The following SCAPER variants were observed in gnomAD, a reference collection of about 807,000 sequenced individuals.
SCAPER encodes S phase cyclin A-associated protein in the endoplasmic reticulum.
In SCAPER, 98 loss-of-function variants were observed where a neutral mutation model predicts 182.2. That is an observed-to-expected ratio of 0.54 (90% CI 0.46 to 0.64). SCAPER has a LOEUF of 0.64. Ranked by LOEUF, SCAPER falls within the 30% of genes least tolerant of loss-of-function variation. The pLI is 0.00. For missense variants in SCAPER, 1,432 were observed against 1,690.0 expected, an observed-to-expected ratio of 0.85 and a Z score of 2.68; for synonymous variants, 605 against 564.6, an observed-to-expected ratio of 1.07 and a Z score of -1.01.
intron 24 of SCAPER, among the ~76,000 whole-genome samples, chr15:76,503,734 T>C (rs970340430): frequency 6.6e-6 from 1 of 152,196 alleles, no homozygotes; most frequent in Non-Finnish European, 1.5e-5. Flanking sequence ...TCTTAGCTAG[T>C]AGCCTGGCAG....
At chr15:76,604,813 T>G (rs930009742) in intron 22 of SCAPER, among the ~76,000 whole-genome samples, 1 of 151,546 alleles carries the variant, frequency 6.6e-6, no homozygotes. Flanking sequence ...TCACTCATGA[T>G]TTGGCTCTCT....
At chr15:76,380,859 T>C (rs577502430) in intron 28 of SCAPER, 2 of 152,596 alleles carry the variant, frequency 1.3e-5, no homozygotes, top group East Asian at 1.9e-4. Flanking sequence ...ACACTTTACA[T>C]TGGACACAAA....
chr15:76,361,621 C>T (rs1042916779), intron 29 of SCAPER, among the ~76,000 whole-genome samples: 2 of 152,202 alleles, frequency 1.3e-5, no homozygotes, highest in African/African-American at 4.8e-5. Flanking sequence ...CACCAGCTGA[C>T]ATTAGTAAGT....
chr15:76,536,926 GACAA>G (rs1366667696), intron 23 of SCAPER, among the ~76,000 whole-genome samples: 2 of 151,482 alleles, frequency 1.3e-5, no homozygotes, highest in Admixed American at 1.3e-4. Context: ...ACCAATAACA[GACAA>G]ACAGAGAGCC....
At chr15:76,395,735 A>G (rs2044004664) in intron 27 of SCAPER, among the ~76,000 whole-genome samples, 1 of 152,156 alleles carries the variant, frequency 6.6e-6, no homozygotes, top group South Asian at 2.1e-4. Flanking sequence ...ATTCTTATAT[A>G]TTCTAGTTGT....
chr15:76,895,579 T>A (rs1473926062), intron 1 of SCAPER, among the ~76,000 whole-genome samples: 3 of 152,084 alleles, frequency 2.0e-5, no homozygotes, highest in Non-Finnish European at 4.4e-5. Flanking sequence ...TGAAATTGTC[T>A]GTTTGCAGAT....
chr15:76,584,686 G>A (rs189129902), intron 22 of SCAPER, among the ~76,000 whole-genome samples: 450 of 152,144 alleles, frequency 3.0e-3, no homozygotes, highest in Non-Finnish European at 4.6e-3. Flanking sequence ...ATGCTTTTGC[G>A]TTCTTACCGT....
intron 23 of SCAPER, among the ~76,000 whole-genome samples, chr15:76,529,959 T>C (rs1187294654): frequency 6.6e-6 from 1 of 152,164 alleles, no homozygotes; most frequent in Non-Finnish European, 1.5e-5. Context: ...AGACTGAAAG[T>C]AGCAAGGATG....
At chr15:76,892,677 G>A (rs2074228663) in intron 1 of SCAPER, among the ~76,000 whole-genome samples, 1 of 152,200 alleles carries the variant, frequency 6.6e-6, no homozygotes, top group African/African-American at 2.4e-5. Context: ...AACAACAGAT[G>A]CTGGAGAGGA....
At chr15:76,746,606 C>G (rs2061805501) in intron 15 of SCAPER, among the ~76,000 whole-genome samples, 1 of 152,166 alleles carries the variant, frequency 6.6e-6, no homozygotes, top group Non-Finnish European at 1.5e-5. Flanking sequence ...ACTATGTGAT[C>G]TTGTTTATGA....
At chr15:76,532,633 C>T (rs571181329) in intron 23 of SCAPER, among the ~76,000 whole-genome samples, 153 of 152,286 alleles carry the variant, frequency 1.0e-3, no homozygotes, top group African/African-American at 3.6e-3. Flanking sequence ...TTTCTCACTG[C>T]AATCTCTATG....
At chr15:76,502,040 TAG>T (rs1054634166) in intron 24 of SCAPER, among the ~76,000 whole-genome samples, 3 of 152,158 alleles carry the variant, frequency 2.0e-5, no homozygotes, top group African/African-American at 7.2e-5. Context: ...GTTTAGAAAG[TAG>T]AGTTATGATA....
chr15:76,513,476 G>A (rs118038279), intron 23 of SCAPER, among the ~76,000 whole-genome samples: 4,577 of 152,080 alleles, frequency 0.03, 106 homozygotes, highest in South Asian at 0.051. Flanking sequence ...AAAACTAAGA[G>A]AGAAAAAAAC....
Position 76,471,322 on chromosome 15 carries a change from C to A in SCAPER, c.2968G>T (p.Ala990Ser). The A allele has an allele frequency of 6.2e-7, 1 of 1,607,178 alleles. No homozygotes were observed. Among genetic ancestry groups the A allele is most frequent in the South Asian group, 1.1e-5 (1 of 89,578 alleles). ...LRIPPKSLCN[A>S]INVYNLTCNN... ...CAGGTGAGGTTGTAAACATTGATTG[C>A]ATTGCAGAGAGACCTAAAAGAAGGA... Residue 990 changes from alanine to serine, a missense_variant, in exon 25 of 32, where the codon GCA becomes TCA. Around this residue, in one of 5 missense-constraint regions of SCAPER, gnomAD observed 718 missense variants for 799.7 expected, o/e 0.90. Transcript: ENST00000563290.
At chr15:76,637,722 T>TTATATATATATATATATATA (rs369760680) in intron 21 of SCAPER, among the ~76,000 whole-genome samples, 4 of 77,868 alleles carry the variant, frequency 5.1e-5, no homozygotes, top group Middle Eastern at 7.9e-3. Flanking sequence ...ATATATGTGA[T>TTATATATATATATATATATA]TATATATATA....
At chr15:76,670,652 C>T (rs1458282709) in intron 20 of SCAPER, among the ~76,000 whole-genome samples, 1 of 152,102 alleles carries the variant, frequency 6.6e-6, no homozygotes, top group African/African-American at 2.4e-5. Flanking sequence ...AAGTGGTTTG[C>T]CAGTATGTGG....
At chr15:76,901,247 A>T (rs533100663) in intron 1 of SCAPER, among the ~76,000 whole-genome samples, 9 of 152,284 alleles carry the variant, frequency 5.9e-5, no homozygotes, top group African/African-American at 1.9e-4. Flanking sequence ...AAAAAGAGTA[A>T]TTTGAAGAGC....
chr15:76,756,643 C>A (rs1408687564), intron 14 of SCAPER, among the ~76,000 whole-genome samples: 1 of 152,006 alleles, frequency 6.6e-6, no homozygotes, highest in African/African-American at 2.4e-5. Flanking sequence ...AAAATGTGAG[C>A]TGATAAATGT....
At chr15:76,752,082 G>T (rs1433342070) in intron 15 of SCAPER, among the ~76,000 whole-genome samples, 4 of 149,190 alleles carry the variant, frequency 2.7e-5, no homozygotes, top group African/African-American at 9.8e-5. Flanking sequence ...GATTTGAACA[G>T]ACATTTCTCC....
Sources: gnomAD v4.1 joint callset for allele counts (sites outside exome capture counted in the v4.1 genomes callset) on GRCh38, gnomAD v4.1.1 for gene constraint, gnomAD v4.1.1 regional missense constraint, MANE v1.5 for transcripts, NCBI Gene and HGNC (gene_info 2026-07-23, HGNC 2026-07-21) for gene names.